The following ENPP3 variants were observed in gnomAD, a reference collection of about 807,000 sequenced individuals.
ENPP3 encodes the protein ectonucleotide pyrophosphatase/phosphodiesterase family member 3.
Under a neutral mutation model 117.8 loss-of-function variants are expected in ENPP3, and 104 were observed. The ratio of observed to expected loss-of-function variants is 0.88; its 90% confidence interval spans 0.75 to 1.04. ENPP3 has a LOEUF of 1.04. Among genes scored for constraint, ENPP3 ranks in the 50% least tolerant of loss-of-function variants. The pLI, the probability that ENPP3 is intolerant of heterozygous loss-of-function variation, is 0.00. For synonymous variants in ENPP3, 380 were observed against 349.9 expected (o/e 1.09, Z -0.96); for missense variants, 1,026 against 1,051.9 (o/e 0.98, Z 0.34).
At chr6:131,638,494 C>A (rs1777973641) in intron 1 of ENPP3, 1 of 453,906 alleles carries the variant, frequency 2.2e-6, no homozygotes, top group Admixed American at 2.4e-5. Context: ...ACCTCTGTTT[C>A]CCAGGCTCAA....
intron 14 of ENPP3, among the ~76,000 whole-genome samples, chr6:131,690,547 G>A (rs778464475): frequency 6.6e-6 from 1 of 152,184 alleles, no homozygotes; most frequent in African/African-American, 2.4e-5. Flanking sequence ...ATATTTATGT[G>A]CACTGGGAAA....
Position 131,733,734 on chromosome 6 carries a change from C to A in ENPP3, c.2089+11C>A. 1 of 1,613,158 alleles carries A rather than the reference C, an allele frequency of 6.2e-7. No individual in the cohort carries two copies. The highest frequency in any genetic ancestry group is 8.5e-7 in the Non-Finnish European group (1 of 1,179,292). On this transcript the variant is annotated intron_variant, in intron 21 of 24. Coordinates refer to ENST00000357639, the MANE Select transcript of ENPP3 (RefSeq NM_005021.5). ...TCCTCTATCCTCCTGGTTAGTAGAA[C>A]TCTTTTTTAGAGCAGTAGCTTAGAA...
chr6:131,739,153 T>C (rs898886527), intron 23 of ENPP3, among the ~76,000 whole-genome samples: 6 of 152,358 alleles, frequency 3.9e-5, no homozygotes, highest in African/African-American at 1.2e-4. Context: ...ATTCTGCAAC[T>C]AATAAGTGGT....
intron 15 of ENPP3, among the ~76,000 whole-genome samples, chr6:131,697,326 G>A (rs1370181296): frequency 6.7e-6 from 1 of 149,090 alleles, no homozygotes; most frequent in Non-Finnish European, 1.5e-5. Flanking sequence ...TTTTGGAGAG[G>A]TCCTTCAAGA....
intron 20 of ENPP3, among the ~76,000 whole-genome samples, chr6:131,731,423 C>T (rs1267056241): frequency 1.3e-5 from 2 of 152,206 alleles, no homozygotes; most frequent in African/African-American, 4.8e-5. Flanking sequence ...TACTTCTAAT[C>T]TGACTCAGCA....
At chr6:131,683,733 T>C (rs1308605012) in intron 12 of ENPP3, among the ~76,000 whole-genome samples, 1 of 150,796 alleles carries the variant, frequency 6.6e-6, no homozygotes, top group Non-Finnish European at 1.5e-5. Flanking sequence ...GAAGTACATA[T>C]GCACTCACTC....
In ENPP3 at chr6:131,725,272, A is replaced by G. The variant is rs369571338; in HGVS notation, c.1799-774A>G. 1.5e-4 allele frequency among the ~76,000 whole-genome samples: 23 copies of G among 152,226 alleles called. No homozygotes were observed. In the South Asian group the frequency reaches 4.8e-3, roughly 32 times the overall value. Reference sequence around the variant, plus strand: ...AATTACTTTTGCTCCAACCTAATATAACAAGATGCCATAGACTGGGTAGCT... The same window carrying G: ...AATTACTTTTGCTCCAACCTAATATGACAAGATGCCATAGACTGGGTAGCT... On this transcript the variant is annotated intron_variant, in intron 19 of 24. Coordinates refer to ENST00000357639, the MANE Select transcript of ENPP3 (RefSeq NM_005021.5).
chr6:131,701,603 G>A (rs1209889949), intron 15 of ENPP3, among the ~76,000 whole-genome samples: 8 of 148,748 alleles, frequency 5.4e-5, no homozygotes, highest in Admixed American at 6.7e-5. Context: ...TATGCAGGCC[G>A]GGTGCGGTAG....
chr6:131,726,084 C>T lies in ENPP3; in HGVS notation c.1837C>T (p.Pro613Ser), dbSNP rs1363250060. 6.2e-7 allele frequency: 1 copy of T among 1,612,668 alleles called. No homozygotes were observed. Among genetic ancestry groups the T allele is most frequent in the Non-Finnish European group, 8.5e-7 (1 of 1,178,852 alleles). The part of the protein sequence containing the change: ...TVKVNLPFGR[P>S]RVLQKNVDHC... ...GAAAGTAAATTTGCCATTTGGGAGG[C>T]CTAGGGTACTGCAGAAGAACGTGGA... Residue 613 changes from proline to serine, a missense_variant, in exon 20 of 25, where the codon CCT (proline) becomes TCT (serine). Pro to Ser is a moderately conservative substitution (Grantham distance 74). Transcript: ENST00000357639.
chr6:131,647,063 G>A (rs116658697), intron 2 of ENPP3, among the ~76,000 whole-genome samples: 1,775 of 150,284 alleles, frequency 0.012, 34 homozygotes, highest in African/African-American at 0.042. Flanking sequence ...TTGTAGAGAC[G>A]GGGTTTCGCC....
chr6:131,742,706 A>T (rs3850251), intron 24 of ENPP3, among the ~76,000 whole-genome samples: 54,172 of 151,728 alleles, frequency 0.36, 10,292 homozygotes, highest in African/African-American at 0.47. Flanking sequence ...ACAGGCTATA[A>T]GTTCCAGGTC....
Position 131,703,636 on chromosome 6 carries a change from A to G in ENPP3, c.1412+10012A>G, listed in dbSNP as rs538731763. ...AGGCAGTTAGGAAATCCAGGTGTCT[A>G]GAGATGACTGCTGTGTAAGAACCTA... On this transcript the variant is annotated intron_variant, in intron 15 of 24. Transcript: ENST00000357639. Among the ~76,000 whole-genome samples the G allele has an allele frequency of 1.5e-3, 208 of 142,018 alleles. 3 individuals are homozygous for G. Among genetic ancestry groups the G allele is most frequent in the Middle Eastern group, 0.014 (4 of 292 alleles). The allele number at this position is 142,018 out of a possible 152,430, so 93.2% of individuals were successfully genotyped here.
At chr6:131,687,129 A>G (rs1779170070) in intron 14 of ENPP3, among the ~76,000 whole-genome samples, 1 of 152,178 alleles carries the variant, frequency 6.6e-6, no homozygotes, top group South Asian at 2.1e-4. Context: ...TTATACTTCC[A>G]TCAACAGTAT....
At chr6:131,642,339 A>G (rs1486484130) in intron 2 of ENPP3, among the ~76,000 whole-genome samples, 2 of 152,070 alleles carry the variant, frequency 1.3e-5, no homozygotes, top group African/African-American at 4.8e-5. Context: ...GTGCATAATA[A>G]TATCTTCAAA....
chr6:131,660,879 T>A (rs557498404), intron 6 of ENPP3, among the ~76,000 whole-genome samples: 1 of 152,298 alleles, frequency 6.6e-6, no homozygotes, highest in African/African-American at 2.4e-5. Context: ...TGATTAACGA[T>A]TCCACATTTC....
chr6:131,677,837 T>C, intron 10 of ENPP3, 31 bp from the exon 11 acceptor site: 1 of 1,365,290 alleles, frequency 7.3e-7, no homozygotes, highest in African/African-American at 1.4e-5. Flanking sequence ...AGCAAATTGA[T>C]AATATATTTC....
Position 131,652,851 on chromosome 6 carries a change from G to A in ENPP3, c.424G>A (p.Glu142Lys), listed in dbSNP as rs1778294111. The A allele has an allele frequency of 4.3e-6, 7 of 1,613,614 alleles. No individual in the cohort carries two copies. The highest frequency in any genetic ancestry group is 5.1e-6 in the Non-Finnish European group (6 of 1,179,568). Residue 142 changes from glutamate to lysine, a missense_variant, in exon 5 of 25, where the codon GAA (glutamate) becomes AAA (lysine). Coordinates refer to ENST00000357639, the MANE Select transcript of ENPP3 (RefSeq NM_005021.5). ...TTCAGGAGAAACCTCATGGCTGGAA[G>A]AAAACTGTGACACAGCCCAGCAGTC... ...VCQGETSWLE[E>K]NCDTAQQSQC...
chr6:131,732,843 C>T (rs928158584), intron 20 of ENPP3, among the ~76,000 whole-genome samples: 34 of 151,738 alleles, frequency 2.2e-4, no homozygotes, highest in Admixed American at 1.7e-3. Context: ...GATTCTCCTG[C>T]CTCAGCCTCC....
chr6:131,719,528 C>T (rs1233640929), intron 16 of ENPP3, among the ~76,000 whole-genome samples: 3 of 151,796 alleles, frequency 2.0e-5, no homozygotes, highest in Non-Finnish European at 2.9e-5. Flanking sequence ...TATTTGAAAA[C>T]GATCTCTGGA....
Sources: allele counts gnomAD v4.1 joint callset (sites outside exome capture counted in the v4.1 genomes callset), GRCh38; gene constraint gnomAD v4.1.1; transcripts MANE v1.5; gene names NCBI Gene and HGNC (gene_info 2026-07-23, HGNC 2026-07-21).